Variants in KIF21B observed in about 807,000 individuals in gnomAD.
The protein encoded by KIF21B is kinesin family member 21B.
KIF21B carries 85 observed loss-of-function variants against 192.9 expected under a neutral mutation model. That is an observed-to-expected ratio of 0.44 (90% CI 0.37 to 0.53). The LOEUF is 0.53. KIF21B is among the 20% of genes least tolerant of loss of function. The probability of loss-of-function intolerance (pLI) is 0.00; values close to 1 mark genes in which losing one functional copy is unlikely to be tolerated. For synonymous variants in KIF21B, 832 were observed against 884.6 expected, an observed-to-expected ratio of 0.94 and a Z score of 1.05; for missense variants, 1,716 against 2,194.8, an observed-to-expected ratio of 0.78 and a Z score of 4.36.
chr1:200,999,544 G>C lies in KIF21B; in HGVS notation c.1768-78C>G. ...AAGCAGAGGTGCATCCCGACACAAT[G>C]CCTCAGGTGTGTCAGGAGGGTGGGG... On this transcript the variant is annotated intron_variant, in intron 12 of 34. Coordinates refer to ENST00000461742, the MANE Select transcript of KIF21B (RefSeq NM_001252102.2). This position sits in a 1 kb window ranked among gnomAD's most constrained non-coding sequence, Gnocchi z 4.7. 6.4e-7 allele frequency: 1 copy of C among 1,566,806 alleles called. No individual in the cohort carries two copies. Among genetic ancestry groups the C allele is most frequent in the Non-Finnish European group, 8.6e-7 (1 of 1,156,866 alleles).
intron 15 of KIF21B, among the ~76,000 whole-genome samples, chr1:200,993,229 C>T (rs745824555): frequency 4.1e-4 from 62 of 152,358 alleles, no homozygotes; most frequent in Admixed American, 2.8e-3. Context: ...ATTCCTGGTG[C>T]CCAGAACATA....
rs1296992330 is a variant in KIF21B, at chr1:200,990,296, G to A, written c.2872C>T (p.Arg958Trp). 7 of 1,612,840 alleles carry A rather than the reference G, an allele frequency of 4.3e-6. No homozygotes were observed. The highest frequency in any genetic ancestry group is 4.5e-5 in the East Asian group (2 of 44,872). ...EELFLLQEAL[R>W]RKRERLQAES... is the part of the protein sequence containing the mutation. The stretch of plus-strand genomic sequence containing the variant: ...GCCTGCAGCCGCTCCCGCTTCCTCC[G>A]CAGTGCCTCCTGCAGGAGGAACAGC... Residue 958 changes from arginine (R) to tryptophan (W), a missense_variant, in exon 20 of 35, where the codon CGG becomes TGG. By Grantham distance (101) the Arg-to-Trp change is moderately radical. Coordinates refer to ENST00000461742, the MANE Select transcript of KIF21B (RefSeq NM_001252102.2). The surrounding 1 kb of genome is among the most constrained non-coding windows in gnomAD (Gnocchi z 5.4).
chr1:200,976,966 C>G, intron 31 of KIF21B, 73 bp from the exon 32 acceptor site: 1 of 1,213,464 alleles, frequency 8.2e-7, no homozygotes, highest in Non-Finnish European at 1.2e-6. Context: ...GGTGTCTGCC[C>G]CAAAACAAAT....
intron 1 of KIF21B, among the ~76,000 whole-genome samples, chr1:201,015,828 G>T (rs532766753): frequency 3.9e-4 from 60 of 152,340 alleles, no homozygotes; most frequent in African/African-American, 1.4e-3. Flanking sequence ...CTAGCAAAAA[G>T]AACTTCCTGC....
chr1:200,982,278 T>A lies in KIF21B; in HGVS notation c.3842+778A>T, dbSNP rs576081991. 2.9e-4 allele frequency among the ~76,000 whole-genome samples: 44 copies of A among 152,138 alleles called. No homozygotes were observed. Among genetic ancestry groups the A allele is most frequent in the Non-Finnish European group, 5.4e-4 (37 of 68,012 alleles). ...GCCTGGCCAGCTGGCTAACATCTTGTGGTGGCAAAGCCTCATGATTCACAG... is the reference window on the plus strand; with the variant it reads ...GCCTGGCCAGCTGGCTAACATCTTGAGGTGGCAAAGCCTCATGATTCACAG... On this transcript the variant is annotated intron_variant, in intron 28 of 34. Coordinates refer to ENST00000461742, the MANE Select transcript of KIF21B (RefSeq NM_001252102.2). This position sits in a 1 kb window ranked among gnomAD's most constrained non-coding sequence, Gnocchi z 4.7.
chr1:201,005,276 G>A, intron 5 of KIF21B, 32 bp downstream of exon 5: 1 of 1,541,648 alleles, frequency 6.5e-7, no homozygotes. Context: ...CCTGCAGCAA[G>A]CTGGCTCCTG....
At position 200,998,330 on chromosome 1, in the gene KIF21B, C is replaced by A; in HGVS notation, c.2077+54G>T. ...CCAGCTGCTTTTGACAGAGGAGGGG[C>A]TCAGGGAAAAGGGAGGGTCCGGATG... On this transcript the variant is annotated intron_variant, in intron 14 of 34. Coordinates refer to ENST00000461742, the MANE Select transcript of KIF21B (RefSeq NM_001252102.2). The surrounding 1 kb of genome is among the most constrained non-coding windows in gnomAD (Gnocchi z 4.3). 1 of 1,530,542 alleles carries A rather than the reference C, an allele frequency of 6.5e-7. No individual in the cohort carries two copies. The highest frequency in any genetic ancestry group is 1.2e-5 in the South Asian group (1 of 84,574). 94.8% of individuals were successfully genotyped at this position (1,530,542 alleles called of 1,614,324 possible).
At chr1:201,015,907 C>A (rs1461480808) in intron 1 of KIF21B, among the ~76,000 whole-genome samples, 3 of 152,210 alleles carry the variant, frequency 2.0e-5, no homozygotes, top group Non-Finnish European at 4.4e-5. Context: ...TCTCAGAAAT[C>A]ATTCGTCATT....
rs1222279062 is a variant in KIF21B, at chr1:200,999,427, C to G, written c.1807G>C (p.Glu603Gln). The change falls in exon 13 of 35, where the codon GAA becomes CAA. Residue 603 changes from glutamate to glutamine, a missense_variant. Transcript: ENST00000461742. This position sits in a 1 kb window ranked among gnomAD's most constrained non-coding sequence, Gnocchi z 4.7. ...TCCTCATCTTCATCCTCGCGCCCTTCCTCCTCCTCACAGCCACTCTCGTCT... is the reference window on the plus strand; with the variant it reads ...TCCTCATCTTCATCCTCGCGCCCTTGCTCCTCCTCACAGCCACTCTCGTCT... ...ERDESGCEEE[E>Q]GREDEDEDSG... 2 of 1,614,116 alleles carry G rather than the reference C, an allele frequency of 1.2e-6. No individual in the cohort carries two copies. The highest frequency in any genetic ancestry group is 1.7e-6 in the Non-Finnish European group (2 of 1,179,970).
chr1:201,007,071 CACAG>C (rs1657886663), intron 3 of KIF21B, among the ~76,000 whole-genome samples: 1 of 149,764 alleles, frequency 6.7e-6, no homozygotes, highest in Admixed American at 6.7e-5. Context: ...CACAGACACA[CACAG>C]ACACACACAC....
intron 14 of KIF21B, among the ~76,000 whole-genome samples, chr1:200,997,688 G>C (rs1231890172): frequency 6.6e-6 from 1 of 152,140 alleles, no homozygotes; most frequent in Non-Finnish European, 1.5e-5. Flanking sequence ...GTTGCAGTTA[G>C]CCGAGATCAC....
chr1:201,013,024 C>T (rs1571969316), intron 1 of KIF21B, among the ~76,000 whole-genome samples: 1 of 152,348 alleles, frequency 6.6e-6, no homozygotes, highest in South Asian at 2.1e-4. Flanking sequence ...TAGAAGGAGT[C>T]CTGCATGTCT....
At chr1:200,994,666 T>G (rs933588652) in intron 15 of KIF21B, among the ~76,000 whole-genome samples, 1 of 152,204 alleles carries the variant, frequency 6.6e-6, no homozygotes, top group Non-Finnish European at 1.5e-5. Context: ...CTCCAGGGCC[T>G]CCGCAGCTGA....
chr1:200,987,335 G>C, intron 24 of KIF21B, 134 bp from the exon 25 acceptor site: 2 of 734,504 alleles, frequency 2.7e-6, no homozygotes, highest in Middle Eastern at 3.3e-4. Flanking sequence ...AACTTCCTAG[G>C]CTCATGCGAT....
At chr1:201,002,444 G>T in intron 8 of KIF21B, 94 bp from the exon 9 acceptor site, 1 of 1,162,860 alleles carries the variant, frequency 8.6e-7, no homozygotes, top group South Asian at 1.3e-5. Context: ...CCAGCGCCCT[G>T]GCCTTCCCCT....
chr1:200,994,339 G>A (rs899460436), intron 15 of KIF21B, among the ~76,000 whole-genome samples: 1 of 152,242 alleles, frequency 6.6e-6, no homozygotes, highest in Non-Finnish European at 1.5e-5. Context: ...GGGCCCTGTA[G>A]CTGAACAGCC....
At chr1:200,981,361 T>C (rs1318922868) in intron 28 of KIF21B, among the ~76,000 whole-genome samples, 1 of 152,192 alleles carries the variant, frequency 6.6e-6, no homozygotes. Context: ...TAGGCACAGC[T>C]AGAAGGTGCA....
intron 7 of KIF21B, 111 bp from the exon 8 acceptor site, chr1:201,003,892 C>T: frequency 8.9e-7 from 1 of 1,123,712 alleles, no homozygotes; most frequent in Non-Finnish European, 1.3e-6. Context: ...ACCTTAATGC[C>T]CAAAGCACGT....
At chr1:200,997,867 C>G (rs1657178069) in intron 14 of KIF21B, among the ~76,000 whole-genome samples, 1 of 152,240 alleles carries the variant, frequency 6.6e-6, no homozygotes, top group South Asian at 2.1e-4. Flanking sequence ...TTATGTTTGT[C>G]TTTCCCCACT....
Sources: gnomAD v4.1 joint callset for allele counts (sites outside exome capture counted in the v4.1 genomes callset) on GRCh38, gnomAD v4.1.1 for gene constraint, Gnocchi (gnomAD v3.1) non-coding constraint, MANE v1.5 for transcripts, NCBI Gene and HGNC (gene_info 2026-07-23, HGNC 2026-07-21) for gene names.